The following ABI2 variants were observed in gnomAD, a reference collection of about 807,000 sequenced individuals.
ABI2 encodes the protein abelson interactor 2.
ABI2 carries 25 observed loss-of-function variants against 59.2 expected under a neutral mutation model. The observed-to-expected ratio is 0.42, with a 90% confidence interval of 0.31 to 0.59. The LOEUF (loss-of-function observed/expected upper bound fraction) is 0.59. Among genes scored for constraint, ABI2 ranks in the 20% least tolerant of loss-of-function variants. The probability of loss-of-function intolerance (pLI) is 0.14; values close to 1 mark genes in which losing one functional copy is unlikely to be tolerated. For missense variants in ABI2, 545 were observed against 681.8 expected (o/e 0.80, Z 2.23); for synonymous variants, 213 against 235.5 (o/e 0.90, Z 0.87).
At chr2:203,408,449 C>T (rs2097524498) in intron 9 of ABI2, among the ~76,000 whole-genome samples, 1 of 149,896 alleles carries the variant, frequency 6.7e-6, no homozygotes, top group African/African-American at 2.5e-5. Context: ...AGGCATGAGC[C>T]ACCGTGCCTG....
intron 1 of ABI2, among the ~76,000 whole-genome samples, chr2:203,342,382 T>C (rs1032412516): frequency 2.6e-5 from 4 of 152,114 alleles, no homozygotes; most frequent in African/African-American, 9.7e-5. Flanking sequence ...TACCCACTTA[T>C]GTGTTGAAGG....
chr2:203,357,110 A>G (rs1212273646), intron 1 of ABI2, among the ~76,000 whole-genome samples: 4 of 152,244 alleles, frequency 2.6e-5, no homozygotes, highest in Non-Finnish European at 1.5e-5. Flanking sequence ...TTTTCCTAAT[A>G]TAAAATAGAT....
intron 2 of ABI2, among the ~76,000 whole-genome samples, chr2:203,378,213 C>T (rs1233161778): frequency 1.3e-5 from 2 of 151,548 alleles, no homozygotes; most frequent in South Asian, 2.1e-4. Flanking sequence ...CCTGGGTTCA[C>T]GCCATTCTCC....
intron 1 of ABI2, among the ~76,000 whole-genome samples, chr2:203,348,935 T>C (rs1429150112): frequency 6.6e-6 from 1 of 152,050 alleles, no homozygotes; most frequent in Non-Finnish European, 1.5e-5. Context: ...TTTGTTTGTT[T>C]GTTTGTTTGT....
Position 203,430,472 on chromosome 2 carries a change from A to G in ABI2, c.*3120A>G, listed in dbSNP as rs1484760955. Reference sequence around the variant, plus strand: ...GAAAGTCCATGGTGGTATTAATGAAAGTACACTTTATTGTTGCCTTTGAAC... The same window carrying G: ...GAAAGTCCATGGTGGTATTAATGAAGGTACACTTTATTGTTGCCTTTGAAC... On this transcript the variant is annotated 3_prime_UTR_variant, in exon 12 of 12. Coordinates refer to ENST00000261018, the MANE Select transcript of ABI2 (RefSeq NM_001375670.1). 1 of 152,212 alleles carries G rather than the reference A, an allele frequency of 6.6e-6. No individual in the cohort carries two copies. The highest frequency in any genetic ancestry group is 1.5e-5 in the Non-Finnish European group (1 of 68,038). The allele number at this position is 152,212 out of a possible 1,614,324, so 9.4% of individuals were successfully genotyped here.
chr2:203,407,023 G>A (rs1487797973), intron 9 of ABI2, among the ~76,000 whole-genome samples: 1 of 152,194 alleles, frequency 6.6e-6, no homozygotes, highest in African/African-American at 2.4e-5. Flanking sequence ...GACCATGTAA[G>A]ATCTCATCTG....
intron 11 of ABI2, among the ~76,000 whole-genome samples, chr2:203,419,284 GTATTT>G: frequency 6.7e-6 from 1 of 149,168 alleles, no homozygotes; most frequent in Admixed American, 6.7e-5. Flanking sequence ...TAATTTTTTT[GTATTT>G]TTAGTAGAGA....
intron 2 of ABI2, among the ~76,000 whole-genome samples, chr2:203,371,049 A>G (rs537274671): frequency 1.2e-4 from 18 of 152,320 alleles, no homozygotes; most frequent in African/African-American, 4.3e-4. Flanking sequence ...CTTGTGTGAC[A>G]TTTGACTTCT....
At chr2:203,371,974 A>C (rs1280041476) in intron 2 of ABI2, among the ~76,000 whole-genome samples, 1 of 150,702 alleles carries the variant, frequency 6.6e-6, no homozygotes, top group Non-Finnish European at 1.5e-5. Context: ...TGTTTCTCGC[A>C]GAGGGGGAGT....
chr2:203,416,389 C>T (rs546523843), intron 10 of ABI2, among the ~76,000 whole-genome samples: 9 of 152,192 alleles, frequency 5.9e-5, no homozygotes, highest in African/African-American at 9.6e-5. Flanking sequence ...TCCACCTCCC[C>T]GGTTCCAGCG....
In ABI2 at chr2:203,340,435, C is replaced by T. The variant is rs553978278; in HGVS notation, c.117+11804C>T. Among the ~76,000 whole-genome samples the T allele has an allele frequency of 2.2e-3, 329 of 151,928 alleles. 2 individuals are homozygous for T. Among genetic ancestry groups the T allele is most frequent in the African/African-American group, 7.4e-3 (306 of 41,406 alleles). ...AGGCTGGAGTACAGTGGCATGATCA[C>T]GGCTCACTGCAGCCTCACCTCCCCA... is the stretch of plus-strand genomic sequence containing the variant. On this transcript the variant is annotated intron_variant, in intron 1 of 11. Coordinates refer to ENST00000261018, the MANE Select transcript of ABI2 (RefSeq NM_001375670.1).
chr2:203,365,189 C>CT (rs373789015), intron 1 of ABI2, among the ~76,000 whole-genome samples: 7 of 151,780 alleles, frequency 4.6e-5, no homozygotes, highest in Admixed American at 1.3e-4. Context: ...ACTTTTTGGA[C>CT]TTTTTTTTGT....
chr2:203,339,174 C>T (rs1486041891), intron 1 of ABI2, among the ~76,000 whole-genome samples: 2 of 151,044 alleles, frequency 1.3e-5, no homozygotes, highest in African/African-American at 4.9e-5. Context: ...AAGGAGCTGT[C>T]ACCTCACACT....
chr2:203,365,025 C>CG (rs1365318531), intron 1 of ABI2, among the ~76,000 whole-genome samples: 1 of 152,036 alleles, frequency 6.6e-6, no homozygotes, highest in Non-Finnish European at 1.5e-5. Context: ...TGAACTGCCA[C>CG]GCCTGGCCAG....
At chr2:203,352,853 A>G (rs1245791459) in intron 1 of ABI2, among the ~76,000 whole-genome samples, 1 of 152,166 alleles carries the variant, frequency 6.6e-6, no homozygotes, top group African/African-American at 2.4e-5. Context: ...ATGCAGGTAT[A>G]CCATTTTTTA....
At chr2:203,334,119 T>G (rs2075333573) in intron 1 of ABI2, among the ~76,000 whole-genome samples, 1 of 152,120 alleles carries the variant, frequency 6.6e-6, no homozygotes, top group Non-Finnish European at 1.5e-5. Context: ...TTTTGTATTT[T>G]TAGTAAAGAC....
At position 203,328,405 on chromosome 2, in the gene ABI2, A is replaced by G. The variant is rs563340159; in HGVS notation, c.-110A>G. ...GGCTGTTTCTCGCTCCTTCCGAGTT[A>G]CCGCCGCCGTCGCCGCCGCTCCTCC... On this transcript the variant is annotated 5_prime_UTR_variant, in exon 1 of 12. Coordinates refer to ENST00000261018, the MANE Select transcript of ABI2 (RefSeq NM_001375670.1). The G allele has an allele frequency of 1.2e-6, 1 of 863,956 alleles. No individual in the cohort carries two copies. The highest frequency in any genetic ancestry group is 3.1e-5 in the East Asian group (1 of 31,808). The allele number at this position is 863,956 out of a possible 1,614,324, so 53.5% of individuals were successfully genotyped here. A position where few individuals can be genotyped will look rare whatever the true frequency, so the allele number is the denominator to read the frequency against.
At chr2:203,360,897 A>T (rs2093399125) in intron 1 of ABI2, among the ~76,000 whole-genome samples, 1 of 152,210 alleles carries the variant, frequency 6.6e-6, no homozygotes, top group East Asian at 1.9e-4. Flanking sequence ...ATCATTTATG[A>T]AATCAGCAAG....
At chr2:203,376,314 C>G (rs1288159597) in intron 2 of ABI2, among the ~76,000 whole-genome samples, 1 of 152,170 alleles carries the variant, frequency 6.6e-6, no homozygotes, top group Non-Finnish European at 1.5e-5. Context: ...AAGACAGCAG[C>G]CTTCACCCCT....
Sources: allele counts gnomAD v4.1 joint callset (sites outside exome capture counted in the v4.1 genomes callset), GRCh38; gene constraint gnomAD v4.1.1; transcripts MANE v1.5; gene names NCBI Gene and HGNC (gene_info 2026-07-23, HGNC 2026-07-21).